PLSCR1: variants seen among roughly 807,000 people sequenced by gnomAD.
PLSCR1 encodes PL scramblase 1.
A neutral mutation model predicts 37.8 loss-of-function variants in PLSCR1; 17 were observed. The ratio of observed to expected loss-of-function variants is 0.45; its 90% CI spans 0.31 to 0.68. The LOEUF (loss-of-function observed/expected upper bound fraction) is 0.68. Ranked by LOEUF, PLSCR1 falls within the 30% of genes least tolerant of loss-of-function variation. The pLI is 0.06. For missense variants in PLSCR1, 347 were observed against 380.9 expected (o/e 0.91, Z 0.74); for synonymous variants, 116 against 125.9 (o/e 0.92, Z 0.53).
intron 5 of PLSCR1, among the ~76,000 whole-genome samples, chr3:146,524,736 C>T (rs2044082409): frequency 6.6e-6 from 1 of 151,978 alleles, no homozygotes; most frequent in Non-Finnish European, 1.5e-5. Flanking sequence ...TAATAATGTG[C>T]TTTACAAATA....
chr3:146,537,973 A>G (rs1160841902), intron 1 of PLSCR1: 1 of 152,250 alleles, frequency 6.6e-6, no homozygotes, highest in African/African-American at 2.4e-5. Flanking sequence ...TTCCAATTAT[A>G]GTCAACTCTT....
At chr3:146,516,137 A>G (rs2043942915) in intron 8 of PLSCR1, 36 bp from the exon 9 acceptor site, 1 of 1,333,744 alleles carries the variant, frequency 7.5e-7, no homozygotes, top group Non-Finnish European at 1.1e-6. Context: ...TGAATTTTCA[A>G]CAACAAAACA....
chr3:146,516,831 C>T, intron 8 of PLSCR1, 175 bp downstream of exon 8: 1 of 519,644 alleles, frequency 1.9e-6, no homozygotes, highest in Non-Finnish European at 3.3e-6. Flanking sequence ...AACTAGTCAC[C>T]TGTGACCCCA....
intron 5 of PLSCR1, among the ~76,000 whole-genome samples, chr3:146,522,830 G>A (rs1310973140): frequency 6.6e-6 from 1 of 152,220 alleles, no homozygotes; most frequent in African/African-American, 2.4e-5. Context: ...CTGAGATAGG[G>A]GAAAACTGCC....
At chr3:146,542,683 T>C (rs1028375612) in intron 1 of PLSCR1, among the ~76,000 whole-genome samples, 9 of 152,342 alleles carry the variant, frequency 5.9e-5, no homozygotes, top group African/African-American at 1.9e-4. Context: ...TAAGTTCTGA[T>C]TAAAAAGTGT....
chr3:146,521,385 A>G (rs1301046834), intron 7 of PLSCR1, among the ~76,000 whole-genome samples, 159 bp downstream of exon 7: 1 of 152,164 alleles, frequency 6.6e-6, no homozygotes, highest in Non-Finnish European at 1.5e-5. Flanking sequence ...AATCAGAGTG[A>G]TAACTACCAC....
chr3:146,536,222 T>G, intron 2 of PLSCR1, among the ~76,000 whole-genome samples: 1 of 152,352 alleles, frequency 6.6e-6, no homozygotes, highest in Non-Finnish European at 1.5e-5. Context: ...TTGAATAATC[T>G]TTATACATAT....
At chr3:146,519,018 G>T (rs72986627) in intron 7 of PLSCR1, among the ~76,000 whole-genome samples, 16,991 of 152,052 alleles carry the variant, frequency 0.11, 995 homozygotes, top group Middle Eastern at 0.17. Context: ...ATGTAGCAAA[G>T]AAATATAAAA....
At chr3:146,527,139 A>T (rs970362811) in intron 4 of PLSCR1, among the ~76,000 whole-genome samples, 1 of 152,204 alleles carries the variant, frequency 6.6e-6, no homozygotes, top group Non-Finnish European at 1.5e-5. Flanking sequence ...TCCATCTAAA[A>T]AAAAAAGTAG....
At chr3:146,525,501 T>A (rs1035786257) in intron 5 of PLSCR1, 104 bp downstream of exon 5, 1 of 659,754 alleles carries the variant, frequency 1.5e-6, no homozygotes, top group African/African-American at 1.9e-5. Context: ...CTGGTTTAAC[T>A]GTCCTATATA....
chr3:146,533,248 T>C (rs575336714), intron 3 of PLSCR1, among the ~76,000 whole-genome samples: 2 of 152,258 alleles, frequency 1.3e-5, no homozygotes, highest in East Asian at 3.9e-4. Context: ...TTTACTGTCC[T>C]CTATAAATAA....
intron 7 of PLSCR1, among the ~76,000 whole-genome samples, chr3:146,518,264 G>A (rs1033995843): frequency 6.6e-6 from 1 of 152,156 alleles, no homozygotes; most frequent in Admixed American, 6.6e-5. Context: ...TCAGTGACAA[G>A]CCACTAGAAA....
intron 1 of PLSCR1, among the ~76,000 whole-genome samples, chr3:146,539,909 G>T (rs2044315458): frequency 6.6e-6 from 1 of 152,170 alleles, no homozygotes; most frequent in Admixed American, 6.5e-5. Flanking sequence ...GGTCACTAAA[G>T]TCATCCACTA....
At chr3:146,535,074 A>T (rs974289272) in intron 2 of PLSCR1, among the ~76,000 whole-genome samples, 3 of 152,084 alleles carry the variant, frequency 2.0e-5, no homozygotes, top group African/African-American at 7.2e-5. Flanking sequence ...TTCTCTAGCT[A>T]ATAAGGCCCT....
chr3:146,535,509 T>G (rs1046284162), intron 2 of PLSCR1, among the ~76,000 whole-genome samples: 19 of 152,242 alleles, frequency 1.2e-4, no homozygotes, highest in African/African-American at 4.1e-4. Context: ...AAGGTACTTT[T>G]TTTTATGTCT....
intron 1 of PLSCR1, chr3:146,541,108 T>C (rs2044332628): frequency 6.6e-6 from 1 of 152,138 alleles, no homozygotes; most frequent in African/African-American, 2.4e-5. Context: ...CTGAGGTGAC[T>C]GTGGCTGATT....
At chr3:146,535,587 G>A (rs1226784124) in intron 2 of PLSCR1, among the ~76,000 whole-genome samples, 2 of 151,826 alleles carry the variant, frequency 1.3e-5, no homozygotes, top group Non-Finnish European at 2.9e-5. Flanking sequence ...TTCTATTTAT[G>A]CAAATACATT....
At chr3:146,529,007 A>G (rs566480463) in intron 3 of PLSCR1, among the ~76,000 whole-genome samples, 176 bp from the exon 4 acceptor site, 12 of 152,356 alleles carry the variant, frequency 7.9e-5, no homozygotes, top group Admixed American at 2.6e-4. Flanking sequence ...GTGGTTGCAC[A>G]TCCACTTCTA....
At chr3:146,544,081 ACT>A (rs918571541) in intron 1 of PLSCR1, among the ~76,000 whole-genome samples, 8 of 151,980 alleles carry the variant, frequency 5.3e-5, no homozygotes, top group African/African-American at 1.9e-4. Context: ...CTGAGCCCAG[ACT>A]CTACCCAGGA....
Sources: gnomAD v4.1 joint callset for allele counts (sites outside exome capture counted in the v4.1 genomes callset) on GRCh38, gnomAD v4.1.1 for gene constraint, MANE v1.5 for transcripts, NCBI Gene and HGNC (gene_info 2026-07-23, HGNC 2026-07-21) for gene names.